Variants in LRRC39 observed in about 807,000 individuals in gnomAD.
LRRC39 encodes the protein leucine-rich repeat-containing protein 39.
In LRRC39, 35 loss-of-function variants were observed where a neutral mutation model predicts 39.7. The observed-to-expected ratio is 0.88, with a 90% confidence interval of 0.67 to 1.17. The LOEUF (loss-of-function observed/expected upper bound fraction) is 1.17. Among genes scored for constraint, LRRC39 ranks in the 50% most tolerant of loss-of-function variants. The pLI is 0.00. For synonymous variants in LRRC39, 113 were observed against 134.1 expected (o/e 0.84, Z 1.09); for missense variants, 357 against 385.8 (o/e 0.93, Z 0.62).
rs1645996096 is a variant in LRRC39 at position 100,155,182 on chromosome 1, T to C, written c.681A>G (p.Leu227=). ...TIERMQNLHT[L]WLQRNEITCL... Reference sequence around the variant, plus strand: ...ATGTTATTTCATTTCGTTGCAGCCATAACGTATGTAGATTTTGCATTCTGA... The same window carrying C: ...ATGTTATTTCATTTCGTTGCAGCCACAACGTATGTAGATTTTGCATTCTGA... The change falls in exon 8 of 10, where the codon TTA becomes TTG. Residue 227 remains leucine, a synonymous_variant. Coordinates refer to ENST00000370137, the MANE Select transcript of LRRC39 (RefSeq NM_144620.4). 18 of 1,599,942 alleles carry C rather than the reference T, an allele frequency of 1.1e-5. No homozygotes were observed. The highest frequency in any genetic ancestry group is 1.5e-5 in the Non-Finnish European group (18 of 1,176,108).
chr1:100,155,426 C>A (rs1190532679), intron 7 of LRRC39, among the ~76,000 whole-genome samples: 1 of 152,118 alleles, frequency 6.6e-6, no homozygotes, highest in East Asian at 1.9e-4. Flanking sequence ...AATCAAATGT[C>A]TTTTACAACA....
intron 2 of LRRC39, among the ~76,000 whole-genome samples, chr1:100,168,898 C>G (rs1659420044): frequency 6.6e-6 from 1 of 151,922 alleles, no homozygotes; most frequent in African/African-American, 2.4e-5. Flanking sequence ...AACTAGTCTT[C>G]ATGTCCAATT....
At chr1:100,165,702 T>C (rs1291028225) in intron 3 of LRRC39, among the ~76,000 whole-genome samples, 3 of 152,034 alleles carry the variant, frequency 2.0e-5, no homozygotes, top group Non-Finnish European at 1.5e-5. Context: ...CCAGGTGATA[T>C]GGTTTTGCTA....
chr1:100,153,224 T>A (rs1022197779), intron 8 of LRRC39, among the ~76,000 whole-genome samples: 7 of 152,160 alleles, frequency 4.6e-5, no homozygotes, highest in Non-Finnish European at 8.8e-5. Flanking sequence ...GTTATCGAAG[T>A]TTTGGGTTTT....
At chr1:100,166,013 T>A (rs1157060362) in intron 3 of LRRC39, among the ~76,000 whole-genome samples, 1 of 152,046 alleles carries the variant, frequency 6.6e-6, no homozygotes, top group Non-Finnish European at 1.5e-5. Flanking sequence ...TAGCTGGGAT[T>A]ACAGGCGTGA....
In LRRC39 at chr1:100,155,072, A is replaced by C. The variant is rs373259808; in HGVS notation, c.791T>G (p.Met264Arg). The C allele has an allele frequency of 1.3e-6, 2 of 1,588,476 alleles. No individual in the cohort carries two copies. The highest frequency in any genetic ancestry group is 2.7e-5 in the African/African-American group (2 of 73,116). Reference sequence around the variant, plus strand: ...TTACCTCAGATTTGCCATTTCTTCCATGCATACTGGAATATCTTGCAGTTT... The same window carrying C: ...TTACCTCAGATTTGCCATTTCTTCCCTGCATACTGGAATATCTTGCAGTTT... ...NNKLQDIPVC[M>R]EEMANLRFVN... The change falls in exon 8 of 10, where the codon ATG becomes AGG. Residue 264 changes from methionine to arginine, a missense_variant. Physicochemically the swap from Met to Arg is moderately conservative, Grantham distance 91 (BLOSUM62 -1). Coordinates refer to ENST00000370137, the MANE Select transcript of LRRC39 (RefSeq NM_144620.4).
rs372282254 is a variant in LRRC39 at position 100,159,451 on chromosome 1, T to G, written c.220-36A>C. ...AGAAATGATGGTTGTTGTATATTACTTAAATTTTTTTAGTATCACGCCACC... is the reference window on the plus strand; with the variant it reads ...AGAAATGATGGTTGTTGTATATTACGTAAATTTTTTTAGTATCACGCCACC... On this transcript the variant is annotated intron_variant, in intron 4 of 9. Coordinates refer to ENST00000370137, the MANE Select transcript of LRRC39 (RefSeq NM_144620.4). 49 of 1,464,350 alleles carry G rather than the reference T, an allele frequency of 3.3e-5. No individual in the cohort carries two copies. The African/African-American group carries it at 6.4e-4, about 19-fold the overall frequency. The allele number at this position is 1,464,350 out of a possible 1,614,324, so 90.7% of individuals were successfully genotyped here. A position where few individuals can be genotyped will look rare whatever the true frequency, so the allele number is the denominator to read the frequency against.
Position 100,148,855 on chromosome 1 carries a change from CA to C in LRRC39, c.*186del, listed in dbSNP as rs71637928. 108 of 1,308,972 alleles carry C rather than the reference CA, an allele frequency of 8.3e-5. No individual in the cohort carries two copies. Among genetic ancestry groups the C allele is most frequent in the South Asian group, 2.4e-4 (10 of 41,870 alleles). 81.1% of individuals were successfully genotyped at this position (1,308,972 alleles called of 1,614,324 possible). A position where few individuals can be genotyped will look rare whatever the true frequency, so the allele number is the denominator to read the frequency against. On this transcript the variant is annotated 3_prime_UTR_variant, in exon 10 of 10. Transcript: ENST00000370137. ...AATTTGAGCATCATCTGTCTTCCAC[CA>C]AAAAAAATTTTTTAATTATATTTTT...
intron 9 of LRRC39, among the ~76,000 whole-genome samples, chr1:100,151,982 A>C (rs1245921071): frequency 6.6e-6 from 1 of 151,680 alleles, no homozygotes; most frequent in Non-Finnish European, 1.5e-5. Context: ...AACAAACAAA[A>C]AACTGTGTTC....
intron 9 of LRRC39, among the ~76,000 whole-genome samples, chr1:100,151,578 A>C (rs757310301): frequency 3.9e-5 from 6 of 152,178 alleles, no homozygotes; most frequent in Non-Finnish European, 8.8e-5. Flanking sequence ...ACTAAAATCT[A>C]CCTTTTAAGT....
chr1:100,170,011 G>C (rs1659487144), intron 2 of LRRC39, among the ~76,000 whole-genome samples: 1 of 152,076 alleles, frequency 6.6e-6, no homozygotes, highest in Admixed American at 6.6e-5. Flanking sequence ...AGTGTTCCAA[G>C]TTAATATACA....
At chr1:100,179,467 G>A (rs998379283), upstream of LRRC39, among the ~76,000 whole-genome samples, 1 of 118,778 alleles carries the variant, frequency 8.4e-6, no homozygotes, top group African/African-American at 3.3e-5. Flanking sequence ...CTGGAGACCA[G>A]CCTGAGCAAC....
intron 9 of LRRC39, chr1:100,150,449 C>T (rs1657877386): frequency 6.6e-6 from 1 of 152,100 alleles, no homozygotes; most frequent in Non-Finnish European, 1.5e-5. Flanking sequence ...ATTTGTTTTG[C>T]ATCATTCAAC....
intron 8 of LRRC39, 83 bp from the exon 9 acceptor site, chr1:100,152,607 T>TA: frequency 7.1e-7 from 1 of 1,403,142 alleles, no homozygotes; most frequent in Non-Finnish European, 9.7e-7. Flanking sequence ...CAAATGATAA[T>TA]ATACTAAATT....
chr1:100,151,452 A>G (rs1658006425), intron 9 of LRRC39, among the ~76,000 whole-genome samples: 1 of 152,164 alleles, frequency 6.6e-6, no homozygotes, highest in African/African-American at 2.4e-5. Flanking sequence ...TCTAATCACC[A>G]TTTCCTAAAC....
Position 100,148,582 on chromosome 1 carries a change from T to C in LRRC39, c.*460A>G, listed in dbSNP as rs778998655. The C allele has an allele frequency of 1.9e-6, 3 of 1,553,362 alleles. No individual in the cohort carries two copies. The highest frequency in any genetic ancestry group is 2.8e-5 in the African/African-American group (2 of 71,686). Reference sequence around the variant, plus strand: ...ACAAAAATAATTTTTTATAAACTTTTGCAAAATTTTAACAATGTTTTGTGT... The same window carrying C: ...ACAAAAATAATTTTTTATAAACTTTCGCAAAATTTTAACAATGTTTTGTGT... On this transcript the variant is annotated 3_prime_UTR_variant, in exon 10 of 10. Coordinates refer to ENST00000370137, the MANE Select transcript of LRRC39 (RefSeq NM_144620.4).
intron 9 of LRRC39, chr1:100,149,480 G>A: frequency 6.7e-7 from 1 of 1,500,472 alleles, no homozygotes; most frequent in Non-Finnish European, 9.0e-7. Flanking sequence ...TATTTTGTTG[G>A]ATAATTGTCT....
At chr1:100,179,574 A>T (rs182557694), upstream of LRRC39, among the ~76,000 whole-genome samples, 800 of 151,336 alleles carry the variant, frequency 5.3e-3, 12 homozygotes, top group African/African-American at 0.019. Context: ...AAAAATAAAT[A>T]AAATAAAATA....
intron 8 of LRRC39, among the ~76,000 whole-genome samples, chr1:100,154,220 C>A (rs1190510056): frequency 6.6e-6 from 1 of 151,922 alleles, no homozygotes; most frequent in Non-Finnish European, 1.5e-5. Context: ...ACTAGAAGCC[C>A]AAAAGAGACA....
Sources: gnomAD v4.1 joint callset for allele counts (sites outside exome capture counted in the v4.1 genomes callset) on GRCh38, gnomAD v4.1.1 for gene constraint, MANE v1.5 for transcripts, NCBI Gene and HGNC (gene_info 2026-07-23, HGNC 2026-07-21) for gene names.